Variants in NKAIN3 observed in about 807,000 individuals in gnomAD.
The protein encoded by NKAIN3 is sodium/potassium transporting ATPase interacting 3.
Under a neutral mutation model 30.2 loss-of-function variants are expected in NKAIN3, and 25 were observed. That is an observed-to-expected ratio of 0.83 (90% CI 0.60 to 1.16). The LOEUF (loss-of-function observed/expected upper bound fraction) is 1.16. NKAIN3 is among the 50% of genes most tolerant of loss of function. The pLI, the probability that NKAIN3 is intolerant of heterozygous loss-of-function variation, is 0.00. For missense variants in NKAIN3, 225 were observed against 254.1 expected (o/e 0.89, Z 0.78); for synonymous variants, 91 against 89.6 (o/e 1.02, Z -0.09).
At chr8:62,646,545 T>C (rs1812465379) in intron 3 of NKAIN3, among the ~76,000 whole-genome samples, 1 of 152,204 alleles carries the variant, frequency 6.6e-6, no homozygotes, top group African/African-American at 2.4e-5. Context: ...TTAATTCTTA[T>C]GTTTCTAATG....
At chr8:62,617,149 A>G (rs1229831647) in intron 3 of NKAIN3, among the ~76,000 whole-genome samples, 1 of 152,216 alleles carries the variant, frequency 6.6e-6, no homozygotes, top group Non-Finnish European at 1.5e-5. Flanking sequence ...TGCAAGTGCC[A>G]TGCTTCTACA....
intron 4 of NKAIN3, among the ~76,000 whole-genome samples, chr8:62,815,892 G>A (rs1818661549): frequency 6.6e-6 from 1 of 151,980 alleles, no homozygotes; most frequent in Admixed American, 6.6e-5. Context: ...GTTTGATTCT[G>A]TTTTATATCT....
chr8:62,268,868 G>C (rs1396076667), intron 1 of NKAIN3, among the ~76,000 whole-genome samples: 1 of 152,132 alleles, frequency 6.6e-6, no homozygotes, highest in Non-Finnish European at 1.5e-5. Context: ...ACAAATCTGG[G>C]AATGCCTGAC....
chr8:62,679,014 G>A (rs549431979), intron 3 of NKAIN3, among the ~76,000 whole-genome samples: 1 of 152,248 alleles, frequency 6.6e-6, no homozygotes, highest in East Asian at 1.9e-4. Flanking sequence ...ATGAGTAACA[G>A]GCCAGAACCA....
intron 4 of NKAIN3, among the ~76,000 whole-genome samples, chr8:62,857,801 G>A (rs963668526): frequency 2.0e-5 from 3 of 152,254 alleles, no homozygotes; most frequent in East Asian, 3.9e-4. Context: ...TTAGCTCAGC[G>A]AAGTTCATTT....
chr8:62,584,560 A>T (rs960583119), intron 2 of NKAIN3, among the ~76,000 whole-genome samples: 29 of 152,042 alleles, frequency 1.9e-4, no homozygotes, highest in African/African-American at 7.0e-4. Flanking sequence ...CTTCTCCAGC[A>T]CCTCCTGCAT....
At chr8:62,845,287 A>T (rs62510764) in intron 4 of NKAIN3, among the ~76,000 whole-genome samples, 1,148 of 101,398 alleles carry the variant, frequency 0.011, 14 homozygotes, top group South Asian at 0.019. Flanking sequence ...ATAGTAGATT[A>T]TATATATATA....
chr8:62,943,877 G>C (rs1038509281), intron 5 of NKAIN3, among the ~76,000 whole-genome samples: 2 of 150,820 alleles, frequency 1.3e-5, no homozygotes, highest in African/African-American at 2.4e-5. Context: ...GATAAAATTG[G>C]AGATTATTAT....
chr8:62,919,492 G>T (rs1037016578), intron 5 of NKAIN3, among the ~76,000 whole-genome samples: 1 of 151,716 alleles, frequency 6.6e-6, no homozygotes, highest in Admixed American at 6.6e-5. Context: ...TGATCCACCC[G>T]CCTCGGCCTC....
rs1028732280 is a variant in NKAIN3, at chr8:62,969,041, G to A, written c.*3634G>A. On this transcript the variant is annotated 3_prime_UTR_variant, in exon 7 of 7. Coordinates refer to ENST00000623646, the MANE Select transcript of NKAIN3 (RefSeq NM_001304533.3). Reference sequence around the variant, plus strand: ...GCCTTCCACCTACCACATAAAGTGAGGGTATGTGTCCCTCAAATGAGAAAA... The same window carrying A: ...GCCTTCCACCTACCACATAAAGTGAAGGTATGTGTCCCTCAAATGAGAAAA... Among the ~76,000 whole-genome samples the A allele has an allele frequency of 2.6e-5, 4 of 152,292 alleles. No homozygotes were observed. The highest frequency in any genetic ancestry group is 3.4e-3 in the Middle Eastern group (1 of 294).
At chr8:62,695,727 T>G (rs747668940) in intron 3 of NKAIN3, among the ~76,000 whole-genome samples, 1 of 152,176 alleles carries the variant, frequency 6.6e-6, no homozygotes, top group Non-Finnish European at 1.5e-5. Context: ...GACATGTTGC[T>G]TTTTTGTACT....
At chr8:62,577,516 C>CA (rs762289449) in intron 1 of NKAIN3, among the ~76,000 whole-genome samples, 1 of 137,202 alleles carries the variant, frequency 7.3e-6, no homozygotes, top group Non-Finnish European at 1.6e-5. Flanking sequence ...GAATGGCCTG[C>CA]AGCTGCTCTT....
intron 1 of NKAIN3, among the ~76,000 whole-genome samples, chr8:62,345,376 TATATGTATATATACACAC>T (rs1268342600): frequency 8.0e-3 from 152 of 19,064 alleles, no homozygotes; most frequent in South Asian, 0.016. Context: ...TATATACACA[TATATGTATATATACACAC>T]ATATACACAT....
chr8:62,491,739 A>C (rs2129637440), intron 1 of NKAIN3, among the ~76,000 whole-genome samples: 1 of 152,264 alleles, frequency 6.6e-6, no homozygotes, highest in South Asian at 2.1e-4. Flanking sequence ...GTAGGAAATA[A>C]AAGTCTAGGT....
intron 1 of NKAIN3, among the ~76,000 whole-genome samples, chr8:62,372,367 T>A (rs1164115999): frequency 6.6e-6 from 1 of 151,982 alleles, no homozygotes; most frequent in Non-Finnish European, 1.5e-5. Flanking sequence ...CTTAATTTTG[T>A]AAGATGAGTA....
intron 1 of NKAIN3, among the ~76,000 whole-genome samples, chr8:62,463,814 CAA>C (rs1284283849): frequency 6.6e-6 from 1 of 152,022 alleles, no homozygotes; most frequent in Non-Finnish European, 1.5e-5. Context: ...AAAAGATTAA[CAA>C]TAAATAAAGT....
chr8:62,354,571 G>A (rs561404993), intron 1 of NKAIN3, among the ~76,000 whole-genome samples: 3 of 152,264 alleles, frequency 2.0e-5, no homozygotes, highest in Admixed American at 6.5e-5. Flanking sequence ...AGCCTCCTGA[G>A]TAGCTGGGAC....
intron 1 of NKAIN3, among the ~76,000 whole-genome samples, chr8:62,289,579 T>C (rs200420391): frequency 6.6e-6 from 1 of 152,190 alleles, no homozygotes; most frequent in Non-Finnish European, 1.5e-5. Flanking sequence ...TTCTGGGGGC[T>C]CTATTCTATT....
At chr8:62,662,308 A>T (rs1183625425) in intron 3 of NKAIN3, among the ~76,000 whole-genome samples, 1 of 152,138 alleles carries the variant, frequency 6.6e-6, no homozygotes, top group Non-Finnish European at 1.5e-5. Flanking sequence ...AACCACCTCA[A>T]CTCAGATTTT....
Sources: allele counts gnomAD v4.1 joint callset (sites outside exome capture counted in the v4.1 genomes callset), GRCh38; gene constraint gnomAD v4.1.1; transcripts MANE v1.5; gene names NCBI Gene and HGNC (gene_info 2026-07-23, HGNC 2026-07-21).